The following CCDC138 variants were observed in gnomAD, a reference collection of about 807,000 sequenced individuals.
The protein encoded by CCDC138 is coiled-coil domain containing 138, also known as coiled-coil domain-containing protein 138.
Under a neutral mutation model 82.3 loss-of-function variants are expected in CCDC138, and 66 were observed. That is an observed-to-expected ratio of 0.80 (90% confidence interval 0.66 to 0.98). The LOEUF is 0.98. Ranked by LOEUF, CCDC138 falls within the 50% of genes least tolerant of loss-of-function variation. The pLI is 0.00. For missense variants in CCDC138, 816 were observed against 758.9 expected (o/e 1.08, Z -0.88); for synonymous variants, 297 against 265.4 (o/e 1.12, Z -1.16).
At chr2:108,831,338 C>G (rs1256210209) in intron 10 of CCDC138, among the ~76,000 whole-genome samples, 3 of 152,150 alleles carry the variant, frequency 2.0e-5, no homozygotes, top group East Asian at 3.9e-4. Context: ...TACTGCCACC[C>G]TATGAATGAG....
intron 7 of CCDC138, among the ~76,000 whole-genome samples, chr2:108,806,779 T>A (rs1028742197): frequency 1.4e-4 from 22 of 152,230 alleles, no homozygotes; most frequent in African/African-American, 4.1e-4. Context: ...CATAGTAATT[T>A]ATGCTAACAC....
intron 3 of CCDC138, among the ~76,000 whole-genome samples, chr2:108,789,829 C>T (rs1438045014): frequency 6.6e-6 from 1 of 152,046 alleles, no homozygotes; most frequent in Non-Finnish European, 1.5e-5. Flanking sequence ...AATATAAAAA[C>T]AGTGGAAGCT....
At chr2:108,811,247 C>T (rs56036058) in intron 7 of CCDC138, among the ~76,000 whole-genome samples, 87,934 of 114,174 alleles carry the variant, frequency 0.77, 33,992 homozygotes, top group East Asian at 0.93. Context: ...TTCTCTCTCT[C>T]TTTTTTTTTT....
intron 10 of CCDC138, among the ~76,000 whole-genome samples, chr2:108,832,340 CTTTCT>C (rs1251780370): frequency 2.4e-3 from 334 of 137,380 alleles, no homozygotes; most frequent in African/African-American, 9.1e-3. Context: ...ATTTGTATTT[CTTTCT>C]TTTTTTTTTT....
intron 2 of CCDC138, chr2:108,882,938 C>T (rs1696332300): frequency 6.6e-6 from 1 of 150,838 alleles, no homozygotes; most frequent in Non-Finnish European, 1.5e-5. Context: ...ATAGGAGCAT[C>T]GAGATTAAAG....
At chr2:108,815,007 A>G (rs777050965) in intron 9 of CCDC138, among the ~76,000 whole-genome samples, 1 of 151,954 alleles carries the variant, frequency 6.6e-6, no homozygotes, top group Non-Finnish European at 1.5e-5. Flanking sequence ...GTATCTTATT[A>G]AAAAAAATTG....
intron 1 of CCDC138, chr2:108,882,218 A>G (rs1696311168): frequency 6.6e-6 from 1 of 152,166 alleles, no homozygotes; most frequent in Non-Finnish European, 1.5e-5. Context: ...TAATAACATA[A>G]TAGTAACAGA....
downstream of CCDC138, among the ~76,000 whole-genome samples, chr2:108,877,004 A>C (rs1429552803): frequency 6.6e-6 from 1 of 152,214 alleles, no homozygotes; most frequent in Non-Finnish European, 1.5e-5. Flanking sequence ...AGAGTCATAA[A>C]ATCATATATG....
chr2:108,804,993 T>C lies in CCDC138; in HGVS notation c.840T>C (p.Asp280=). Residue 280 remains aspartate, a synonymous_variant, in exon 7 of 15, where the codon GAT becomes GAC. Transcript: ENST00000295124. ...TTGATGCATTGAAAGAATTGAATGA[T>C]ACCTTAAAAAAACAGGTAAGACCTG... is the stretch of plus-strand genomic sequence containing the variant. ...SSFDALKELN[D]TLKKQLNEAS... 6.5e-7 allele frequency: 1 copy of C among 1,534,890 alleles called. No homozygotes were observed. The highest frequency in any genetic ancestry group is 8.7e-7 in the Non-Finnish European group (1 of 1,146,082).
At chr2:108,839,361 C>A in intron 11 of CCDC138, 60 bp downstream of exon 11, 1 of 1,351,482 alleles carries the variant, frequency 7.4e-7, no homozygotes, top group Non-Finnish European at 1.0e-6. Flanking sequence ...ACTTCTTGAT[C>A]TTGTTTCACA....
At chr2:108,854,289 G>A (rs1396755056) in intron 12 of CCDC138, among the ~76,000 whole-genome samples, 1 of 151,098 alleles carries the variant, frequency 6.6e-6, no homozygotes, top group Non-Finnish European at 1.5e-5. Context: ...GTTTGATTTG[G>A]TAGGAAGCCA....
At chr2:108,861,834 G>A (rs1693668690) in intron 13 of CCDC138, among the ~76,000 whole-genome samples, 1 of 152,076 alleles carries the variant, frequency 6.6e-6, no homozygotes, top group Non-Finnish European at 1.5e-5. Flanking sequence ...ACCGCGCCCA[G>A]CCTAAACTTT....
At chr2:108,869,873 C>CA (rs924540876) in intron 13 of CCDC138, among the ~76,000 whole-genome samples, 129 of 151,526 alleles carry the variant, frequency 8.5e-4, no homozygotes, top group African/African-American at 2.8e-3. Flanking sequence ...AGATTTTCAG[C>CA]AAAAAAAATC....
Position 108,856,971 on chromosome 2 carries a change from G to T in CCDC138, c.1693+1G>T, listed in dbSNP as rs1692704989. 7.0e-7 allele frequency: 1 copy of T among 1,437,888 alleles called. No homozygotes were observed. The highest frequency in any genetic ancestry group is 9.3e-7 in the Non-Finnish European group (1 of 1,070,624). 89.1% of individuals were successfully genotyped at this position (1,437,888 alleles called of 1,614,324 possible). On this transcript the variant is annotated splice_donor_variant, in intron 13 of 14. Transcript: ENST00000295124. LOFTEE classifies it high-confidence loss of function. ...TTGCTCCAGATGACGGTGGAATCTA[G>T]TAAGTTTTTAAGTTCTATATGTGTA...
intron 10 of CCDC138, among the ~76,000 whole-genome samples, chr2:108,822,025 T>A (rs888943706): frequency 6.6e-6 from 1 of 152,110 alleles, no homozygotes; most frequent in Non-Finnish European, 1.5e-5. Flanking sequence ...CTGATTGGAT[T>A]TAAACAGCCA....
intron 10 of CCDC138, among the ~76,000 whole-genome samples, chr2:108,826,201 C>T (rs146794120): frequency 1.0e-3 from 155 of 152,206 alleles, no homozygotes; most frequent in African/African-American, 3.5e-3. Flanking sequence ...TTTCTCCATT[C>T]AGTAGTTGTC....
chr2:108,804,807 T>G (rs746504271), intron 6 of CCDC138, 82 bp from the exon 7 acceptor site: 35 of 1,277,012 alleles, frequency 2.7e-5, no homozygotes, highest in Non-Finnish European at 3.1e-5. Context: ...AGTTCTTACT[T>G]GTAATTAATT....
At chr2:108,812,551 T>A in intron 7 of CCDC138, 80 bp from the exon 8 acceptor site, 1 of 994,210 alleles carries the variant, frequency 1.0e-6, no homozygotes, top group Non-Finnish European at 1.6e-6. Flanking sequence ...TCAACCAGAT[T>A]AGATAGTAGA....
chr2:108,860,325 A>C (rs182957874), intron 13 of CCDC138, among the ~76,000 whole-genome samples: 1 of 151,810 alleles, frequency 6.6e-6, no homozygotes, highest in African/African-American at 2.4e-5. Flanking sequence ...GATGCCTTTT[A>C]TTTCTTTCTC....
Sources: gnomAD v4.1 joint callset for allele counts (sites outside exome capture counted in the v4.1 genomes callset) on GRCh38, gnomAD v4.1.1 for gene constraint, MANE v1.5 for transcripts, NCBI Gene and HGNC (gene_info 2026-07-23, HGNC 2026-07-21) for gene names.